Variants in FTO observed in about 807,000 individuals in gnomAD.
FTO encodes the protein alpha-ketoglutarate-dependent dioxygenase FTO.
In FTO, 47 loss-of-function variants were observed where a neutral mutation model predicts 63.9. The ratio of observed to expected loss-of-function variants is 0.74; its 90% CI spans 0.58 to 0.94. The LOEUF (loss-of-function observed/expected upper bound fraction) is 0.94, where lower values mean the gene tolerates loss of function less well. FTO is among the 40% of genes least tolerant of loss of function. The pLI is 0.00. For missense variants in FTO, 562 were observed against 618.1 expected, an observed-to-expected ratio of 0.91 and a Z score of 0.96; for synonymous variants, 207 against 224.4, an observed-to-expected ratio of 0.92 and a Z score of 0.69.
intron 8 of FTO, among the ~76,000 whole-genome samples, chr16:54,029,098 T>C (rs2084776348): frequency 6.6e-6 from 1 of 152,188 alleles, no homozygotes; most frequent in Non-Finnish European, 1.5e-5. Context: ...CACAAAGGAA[T>C]CCAGAAAGAT....
chr16:53,918,366 A>G (rs2081932624), intron 7 of FTO, among the ~76,000 whole-genome samples: 1 of 152,220 alleles, frequency 6.6e-6, no homozygotes, highest in African/African-American at 2.4e-5. Flanking sequence ...ACTGTAGGCA[A>G]CTGTGACACA....
rs111977557 is a variant in FTO, at chr16:54,028,644, A to G, written c.1365-83118A>G. On this transcript the variant is annotated intron_variant, in intron 8 of 8. Transcript: ENST00000471389. ...TACATTCTTGGAAGTAATTTATAGC[A>G]TATCTTGCACATTTATTCAGTTTGA... is the stretch of plus-strand genomic sequence containing the variant. Among the ~76,000 whole-genome samples the G allele has an allele frequency of 6.7e-3, 1,023 of 152,328 alleles. 5 individuals are homozygous for G. Among genetic ancestry groups the G allele is most frequent in the Non-Finnish European group, 0.011 (733 of 68,022 alleles).
At chr16:53,724,786 CAGA>C (rs2076116558) in intron 1 of FTO, among the ~76,000 whole-genome samples, 1 of 152,176 alleles carries the variant, frequency 6.6e-6, no homozygotes, top group Non-Finnish European at 1.5e-5. Flanking sequence ...TGTAAAGCCA[CAGA>C]GTCGGAAGCC....
At position 53,826,098 on chromosome 16, in the gene FTO, G is replaced by A. The variant is rs774450343; in HGVS notation, c.358G>A (p.Val120Met). The A allele has an allele frequency of 4.1e-5, 66 of 1,614,076 alleles. No individual in the cohort carries two copies. The highest frequency in any genetic ancestry group is 5.5e-5 in the Non-Finnish European group (65 of 1,180,056). Reference protein sequence around the residue: ...NTRLFTVPWPVKGSNIKHTEA... With the variant: ...NTRLFTVPWPMKGSNIKHTEA... ...CAGGCTCTTTACGGTCCCCTGGCCA[G>A]TGAAAGGGTCTAATATAAAACACAC... The change falls in exon 3 of 9, where the codon GTG (valine) becomes ATG (methionine). Residue 120 changes from valine (V) to methionine (M), a missense_variant. Coordinates refer to ENST00000471389, the MANE Select transcript of FTO (RefSeq NM_001080432.3).
At chr16:53,814,129 A>G (rs951961390) in intron 2 of FTO, among the ~76,000 whole-genome samples, 3 of 152,208 alleles carry the variant, frequency 2.0e-5, no homozygotes, top group African/African-American at 7.2e-5. Context: ...CTCCAATTCA[A>G]AACACCTTCA....
At chr16:53,897,339 A>T (rs2081301276) in intron 7 of FTO, among the ~76,000 whole-genome samples, 1 of 151,998 alleles carries the variant, frequency 6.6e-6, no homozygotes. Context: ...TAAATCTCCT[A>T]CTTGTTTTTG....
At chr16:53,769,133 C>T (rs181039205) in intron 1 of FTO, among the ~76,000 whole-genome samples, 100 of 152,270 alleles carry the variant, frequency 6.6e-4, no homozygotes, top group African/African-American at 2.3e-3. Context: ...CTGAAGTTCT[C>T]TTTAAGGTTA....
chr16:54,011,469 G>T (rs532606854), intron 8 of FTO, among the ~76,000 whole-genome samples: 3 of 152,088 alleles, frequency 2.0e-5, no homozygotes, highest in Non-Finnish European at 4.4e-5. Flanking sequence ...CAGAATACCA[G>T]GTCATATCCA....
intron 1 of FTO, among the ~76,000 whole-genome samples, chr16:53,791,944 C>T (rs1417405813): frequency 1.3e-5 from 2 of 151,912 alleles, no homozygotes; most frequent in Non-Finnish European, 2.9e-5. Flanking sequence ...GGCGTGATGG[C>T]GGGCGCCTGT....
intron 8 of FTO, among the ~76,000 whole-genome samples, chr16:54,105,997 A>G (rs2144613412): frequency 6.6e-6 from 1 of 152,290 alleles, no homozygotes; most frequent in South Asian, 2.1e-4. Flanking sequence ...TGTAAAACCT[A>G]TTGATTAAAA....
At position 54,118,579 on chromosome 16, in the gene FTO, C is replaced by G. The variant is rs1182858795; in HGVS notation, c.*6664C>G. ...CATTACACAGGCTGGTTTCAAACTC[C>G]GAGGCTCAAGTGATCTGCCTGCATC... On this transcript the variant is annotated 3_prime_UTR_variant, in exon 9 of 9. Coordinates refer to ENST00000471389, the MANE Select transcript of FTO (RefSeq NM_001080432.3). 1.3e-5 allele frequency: 2 copies of G among 152,040 alleles called. No homozygotes were observed. The highest frequency in any genetic ancestry group is 2.9e-5 in the Non-Finnish European group (2 of 68,032). 9.4% of individuals were successfully genotyped at this position (152,040 alleles called of 1,614,324 possible).
At chr16:53,749,485 C>G (rs183497055) in intron 1 of FTO, among the ~76,000 whole-genome samples, 4 of 151,308 alleles carry the variant, frequency 2.6e-5, no homozygotes, top group Admixed American at 1.3e-4. Context: ...GTGGCCCACG[C>G]GGGAGTGCAG....
At chr16:53,963,392 C>T (rs964075149) in intron 8 of FTO, among the ~76,000 whole-genome samples, 1 of 152,200 alleles carries the variant, frequency 6.6e-6, no homozygotes, top group African/African-American at 2.4e-5. Flanking sequence ...GGGAAGACCT[C>T]AGCATGCAAG....
intron 8 of FTO, among the ~76,000 whole-genome samples, chr16:54,093,387 TG>T (rs2086441089): frequency 6.6e-6 from 1 of 152,224 alleles, no homozygotes; most frequent in Admixed American, 6.5e-5. Flanking sequence ...GCTGCAGAAC[TG>T]TTCTTCCAAA....
intron 1 of FTO, among the ~76,000 whole-genome samples, chr16:53,758,496 A>G (rs888687476): frequency 6.6e-6 from 1 of 152,214 alleles, no homozygotes; most frequent in Non-Finnish European, 1.5e-5. Context: ...TAAAAAATAT[A>G]TAGGTTGACA....
At chr16:53,934,589 C>A (rs1382334768) in intron 8 of FTO, among the ~76,000 whole-genome samples, 2 of 151,934 alleles carry the variant, frequency 1.3e-5, no homozygotes, top group Non-Finnish European at 2.9e-5. Flanking sequence ...TTGTGTGAAC[C>A]CCGCAAACCT....
Position 53,721,518 on chromosome 16 carries a change from C to G in FTO, c.45+17289C>G, listed in dbSNP as rs1015129180. On this transcript the variant is annotated intron_variant, in intron 1 of 8. Transcript: ENST00000471389. Reference sequence around the variant, plus strand: ...GTTACATTACATTTTCATTGTTTCTCTTGCACTGAGATTTATTTTTTATTT... The same window carrying G: ...GTTACATTACATTTTCATTGTTTCTGTTGCACTGAGATTTATTTTTTATTT... 9.9e-5 allele frequency among the ~76,000 whole-genome samples: 15 copies of G among 151,960 alleles called. No homozygotes were observed. In the East Asian group the frequency reaches 1.2e-3, roughly 12 times the overall value.
At chr16:53,911,445 A>G in intron 7 of FTO, 1 of 703,164 alleles carries the variant, frequency 1.4e-6, no homozygotes, top group Non-Finnish European at 2.6e-6. Flanking sequence ...AGAAGTGGCC[A>G]TACCGTTGCA....
chr16:54,070,151 C>G (rs2085832297), intron 8 of FTO: 1 of 152,048 alleles, frequency 6.6e-6, no homozygotes. Flanking sequence ...GAGCAATTTC[C>G]TCTTCAAACT....
Sources: gnomAD v4.1 joint callset for allele counts (sites outside exome capture counted in the v4.1 genomes callset) on GRCh38, gnomAD v4.1.1 for gene constraint, MANE v1.5 for transcripts, NCBI Gene and HGNC (gene_info 2026-07-23, HGNC 2026-07-21) for gene names.